PLXNA4: variants seen among roughly 807,000 people sequenced by gnomAD.
PLXNA4 encodes the protein plexin-A4.
In PLXNA4, 44 loss-of-function variants were observed where a neutral mutation model predicts 191.8. The ratio of observed to expected loss-of-function variants is 0.23; its 90% confidence interval spans 0.18 to 0.29. PLXNA4 has a LOEUF of 0.29. Among genes scored for constraint, PLXNA4 ranks in the 10% least tolerant of loss-of-function variants. The probability of loss-of-function intolerance (pLI) is 1.00; values close to 1 mark genes in which losing one functional copy is unlikely to be tolerated. For synonymous variants in PLXNA4, 1,082 were observed against 1,009.5 expected, an observed-to-expected ratio of 1.07 and a Z score of -1.36; for missense variants, 1,800 against 2,488.8, an observed-to-expected ratio of 0.72 and a Z score of 5.89.
intron 3 of PLXNA4, among the ~76,000 whole-genome samples, chr7:132,428,907 A>G (rs1428380401): frequency 1.3e-5 from 2 of 152,182 alleles, no homozygotes; most frequent in Non-Finnish European, 2.9e-5. Flanking sequence ...ACAGGGACCA[A>G]TGTGAGGAAA....
In PLXNA4 at chr7:132,645,196, A is replaced by G. The variant is rs371092132; in HGVS notation, c.-87+732T>C. Among the ~76,000 whole-genome samples, 114 of 152,268 alleles carry G rather than the reference A, an allele frequency of 7.5e-4. 1 individual carries two copies. Among genetic ancestry groups the G allele is most frequent in the Middle Eastern group, 6.8e-3 (2 of 294 alleles). On this transcript the variant is annotated intron_variant, in intron 2 of 4. Coordinates refer to the PLXNA4 transcript ENST00000378539. ...GCCCTCATTTCATGGTCCCAGTCTG[A>G]TATGGTTTGGCTCTGTGTCCCCACC...
At chr7:132,608,937 G>T (rs986718124) in intron 2 of PLXNA4, among the ~76,000 whole-genome samples, 1 of 152,178 alleles carries the variant, frequency 6.6e-6, no homozygotes, top group African/African-American at 2.4e-5. Flanking sequence ...TCACCCTGTG[G>T]TGCTCACTCT....
chr7:132,275,581 T>C (rs918465668), intron 4 of PLXNA4, among the ~76,000 whole-genome samples: 1 of 152,146 alleles, frequency 6.6e-6, no homozygotes, highest in Admixed American at 6.5e-5. Flanking sequence ...AAGCACTCTA[T>C]AACTATTAGC....
At chr7:132,310,641 C>T (rs561342549) in intron 3 of PLXNA4, among the ~76,000 whole-genome samples, 2 of 152,190 alleles carry the variant, frequency 1.3e-5, no homozygotes, top group African/African-American at 2.4e-5. Context: ...CAGGAAGCCC[C>T]GTGGGTCTGT....
intron 10 of PLXNA4, 50 bp downstream of exon 10, chr7:132,210,893 T>C (rs2116900331): frequency 6.4e-7 from 1 of 1,574,616 alleles, no homozygotes. Context: ...AACAGTGATG[T>C]GGGTGGGACT....
intron 14 of PLXNA4, among the ~76,000 whole-genome samples, chr7:132,188,592 C>T (rs73723723): frequency 0.18 from 27,716 of 151,986 alleles, 3,621 homozygotes; most frequent in African/African-American, 0.36. Flanking sequence ...TGAGGAGACA[C>T]GCAGACCACA....
At chr7:132,151,390 AAGG>A (rs1285503252) in intron 25 of PLXNA4, among the ~76,000 whole-genome samples, 3 of 46,320 alleles carry the variant, frequency 6.5e-5, no homozygotes, top group Admixed American at 2.4e-4. Flanking sequence ...GAGGAGGAGA[AAGG>A]AGGAGGAGGA....
Position 132,192,863 on chromosome 7 carries a change from G to C in PLXNA4, c.2856+1199C>G, listed in dbSNP as rs146287188. Among the ~76,000 whole-genome samples, 6 of 152,234 alleles carry C rather than the reference G, an allele frequency of 3.9e-5. No individual in the cohort carries two copies. In the East Asian group the frequency reaches 1.2e-3, roughly 29 times the overall value. On this transcript the variant is annotated intron_variant, in intron 14 of 31. Coordinates refer to ENST00000321063, the MANE Select transcript of PLXNA4 (RefSeq NM_020911.2). ...ACTACTTGTCAGGCAGCCTTTGAAG[G>C]GATGAGAGGTTCCAGGCAGGAAGGA...
chr7:132,472,715 G>A (rs1318815187), intron 3 of PLXNA4, among the ~76,000 whole-genome samples: 3 of 152,206 alleles, frequency 2.0e-5, no homozygotes, highest in Non-Finnish European at 2.9e-5. Flanking sequence ...GGAAGTGGAC[G>A]TCACTGCTAG....
intron 2 of PLXNA4, among the ~76,000 whole-genome samples, chr7:132,617,016 A>G (rs2116861609): frequency 6.6e-6 from 1 of 152,270 alleles, no homozygotes; most frequent in East Asian, 1.9e-4. Flanking sequence ...CTGAAGCCTC[A>G]TGTTGGATGG....
chr7:132,538,608 T>C (rs1799946533), intron 1 of PLXNA4, among the ~76,000 whole-genome samples: 1 of 152,206 alleles, frequency 6.6e-6, no homozygotes, highest in Non-Finnish European at 1.5e-5. Context: ...AAAATGGATT[T>C]CAAAAATAGA....
chr7:132,282,803 A>T (rs1017793667), intron 4 of PLXNA4, among the ~76,000 whole-genome samples: 1 of 152,148 alleles, frequency 6.6e-6, no homozygotes, highest in Non-Finnish European at 1.5e-5. Context: ...ATTCTGGAGC[A>T]AAACAGTAAA....
intron 1 of PLXNA4, among the ~76,000 whole-genome samples, chr7:132,546,518 G>A (rs1800312533): frequency 6.6e-6 from 1 of 152,130 alleles, no homozygotes; most frequent in African/African-American, 2.4e-5. Flanking sequence ...CAAAAACAGT[G>A]GGCACTGTTA....
chr7:132,328,884 G>A (rs371244118), intron 3 of PLXNA4, among the ~76,000 whole-genome samples: 3 of 152,172 alleles, frequency 2.0e-5, no homozygotes, highest in Admixed American at 6.5e-5. Context: ...TGAGGAGGGG[G>A]TGTCTTCTCA....
Position 132,279,143 on chromosome 7 carries a change from G to A in PLXNA4, c.1503+18948C>T, listed in dbSNP as rs1368370343. ...GATTTCTAGACCTACAGAGTCCATT[G>A]TGGTCATCTGGAAAGTGCTTCCTGA... On this transcript the variant is annotated intron_variant, in intron 4 of 31. Coordinates refer to ENST00000321063, the MANE Select transcript of PLXNA4 (RefSeq NM_020911.2). Among the ~76,000 whole-genome samples the A allele has an allele frequency of 4.6e-5, 7 of 152,218 alleles. No homozygotes were observed. In the East Asian group the frequency reaches 1.3e-3, roughly 29 times the overall value.
chr7:132,607,314 C>G (rs1282147960), intron 2 of PLXNA4, among the ~76,000 whole-genome samples: 1 of 152,174 alleles, frequency 6.6e-6, no homozygotes, highest in Non-Finnish European at 1.5e-5. Context: ...CTCTCTCCTT[C>G]CTTCCACCTT....
intron 1 of PLXNA4, among the ~76,000 whole-genome samples, chr7:132,545,376 G>A (rs1245488448): frequency 6.6e-6 from 1 of 152,170 alleles, no homozygotes; most frequent in Non-Finnish European, 1.5e-5. Flanking sequence ...TGTGGGTTGG[G>A]CCATGTTTGC....
intron 9 of PLXNA4, among the ~76,000 whole-genome samples, chr7:132,216,065 T>A (rs1797953584): frequency 6.6e-6 from 1 of 152,152 alleles, no homozygotes; most frequent in African/African-American, 2.4e-5. Flanking sequence ...GTGGAGACAG[T>A]CTTTTGGGAC....
At chr7:132,226,557 C>A (rs559396542) in intron 7 of PLXNA4, among the ~76,000 whole-genome samples, 3 of 152,336 alleles carry the variant, frequency 2.0e-5, no homozygotes, top group Non-Finnish European at 4.4e-5. Flanking sequence ...CCCAGACTCA[C>A]AAAATTGATT....
Sources: gnomAD v4.1 joint callset for allele counts (sites outside exome capture counted in the v4.1 genomes callset) on GRCh38, gnomAD v4.1.1 for gene constraint, MANE v1.5 for transcripts, NCBI Gene and HGNC (gene_info 2026-07-23, HGNC 2026-07-21) for gene names.